The following WWC2 variants were observed in gnomAD, a reference collection of about 807,000 sequenced individuals.
WWC2 encodes protein WWC2.
A neutral mutation model predicts 138.5 loss-of-function variants in WWC2; 101 were observed. The observed-to-expected ratio is 0.73, with a 90% CI of 0.62 to 0.86. The LOEUF (loss-of-function observed/expected upper bound fraction) is 0.86, where lower values mean the gene tolerates loss of function less well. Ranked by LOEUF, WWC2 falls within the 40% of genes least tolerant of loss-of-function variation. The pLI is 0.00. For synonymous variants in WWC2, 558 were observed against 538.4 expected (o/e 1.04, Z -0.50); for missense variants, 1,420 against 1,419.4 (o/e 1.00, Z -0.01).
intron 1 of WWC2, among the ~76,000 whole-genome samples, chr4:183,140,995 C>G (rs1456492150): frequency 6.6e-6 from 1 of 152,178 alleles, no homozygotes; most frequent in Non-Finnish European, 1.5e-5. Context: ...TAATTGTGCT[C>G]TGAATAAGTG....
intron 15 of WWC2, 30 bp from the exon 16 acceptor site, chr4:183,271,050 T>G (rs1737679710): frequency 6.9e-7 from 1 of 1,459,098 alleles, no homozygotes; most frequent in Non-Finnish European, 9.1e-7. Flanking sequence ...TTCCTTATTT[T>G]TTTTTCTTTG....
chr4:183,264,513 G>A (rs1327854308), intron 11 of WWC2, among the ~76,000 whole-genome samples: 1 of 152,190 alleles, frequency 6.6e-6, no homozygotes, highest in East Asian at 1.9e-4. Flanking sequence ...TGTTAGAATA[G>A]TAGCACAGGA....
At chr4:183,270,585 G>A (rs925671036) in intron 15 of WWC2, among the ~76,000 whole-genome samples, 8 of 151,982 alleles carry the variant, frequency 5.3e-5, no homozygotes, top group African/African-American at 1.9e-4. Flanking sequence ...CCAACATGGT[G>A]AAACCCTGTC....
chr4:183,191,288 C>G (rs1219698619), intron 1 of WWC2, among the ~76,000 whole-genome samples: 1 of 152,038 alleles, frequency 6.6e-6, no homozygotes, highest in Non-Finnish European at 1.5e-5. Context: ...TGCATTTGAA[C>G]TCAGATTGAG....
At chr4:183,145,186 C>T (rs1733416691) in intron 1 of WWC2, among the ~76,000 whole-genome samples, 1 of 152,178 alleles carries the variant, frequency 6.6e-6, no homozygotes, top group South Asian at 2.1e-4. Context: ...TTCTTTGCCT[C>T]TTGCCCTCAT....
chr4:183,132,695 C>T (rs1029013735), intron 1 of WWC2, among the ~76,000 whole-genome samples: 15 of 152,022 alleles, frequency 9.9e-5, no homozygotes, highest in African/African-American at 2.9e-4. Context: ...CCTCGTGATC[C>T]GCCCTCCTCA....
intron 1 of WWC2, among the ~76,000 whole-genome samples, chr4:183,152,834 A>C (rs1733682184): frequency 6.7e-6 from 1 of 149,936 alleles, no homozygotes. Context: ...AGTGAGCCAA[A>C]ATTGTGCCAC....
At chr4:183,156,087 C>T (rs997023352) in intron 1 of WWC2, among the ~76,000 whole-genome samples, 10 of 151,792 alleles carry the variant, frequency 6.6e-5, no homozygotes, top group South Asian at 2.1e-4. Context: ...AGTACAGTGG[C>T]GTGATCTCGG....
chr4:183,175,690 A>AT (rs921418336), intron 1 of WWC2, among the ~76,000 whole-genome samples: 1 of 152,096 alleles, frequency 6.6e-6, no homozygotes, highest in African/African-American at 2.4e-5. Context: ...TTTGTACTTG[A>AT]TTTTTTGCTT....
rs191910458 is a variant in WWC2 at position 183,253,564 on chromosome 4, G to A, written c.954-193G>A. Among the ~76,000 whole-genome samples the A allele has an allele frequency of 9.9e-4, 151 of 152,244 alleles. 4 individuals carry two copies. The highest frequency in any genetic ancestry group is 9.0e-3 in the Admixed American group (137 of 15,302). On this transcript the variant is annotated intron_variant, in intron 8 of 22. Transcript: ENST00000403733. ...GAAGTGGGTGACAGCTGAGTGCAGA[G>A]ACAGGCCCAGAGACTGGTGTGCAAG... is the stretch of plus-strand genomic sequence containing the variant.
chr4:183,253,145 G>T (rs1737029280), intron 8 of WWC2, among the ~76,000 whole-genome samples: 1 of 152,098 alleles, frequency 6.6e-6, no homozygotes, highest in Non-Finnish European at 1.5e-5. Context: ...CTCCCAAAGT[G>T]TCAGATTACA....
intron 4 of WWC2, among the ~76,000 whole-genome samples, chr4:183,238,799 A>G (rs1681488899): frequency 6.6e-6 from 1 of 152,152 alleles, no homozygotes; most frequent in Admixed American, 6.5e-5. Context: ...CACCTTTGGT[A>G]ATTACTAAGA....
In WWC2 at chr4:183,211,982, C is replaced by T. The variant is rs192721925; in HGVS notation, c.522+2957C>T. Among the ~76,000 whole-genome samples, 216 of 151,988 alleles carry T rather than the reference C, an allele frequency of 1.4e-3. 1 individual carries two copies. Among genetic ancestry groups the T allele is most frequent in the African/African-American group, 4.7e-3 (196 of 41,504 alleles). On this transcript the variant is annotated intron_variant, in intron 4 of 22. Transcript: ENST00000403733. ...GACTACAGGCACCTGCCACCACGCC[C>T]GGCTAATTTTTTGTATTTTTGGTAG...
rs371218391 is a variant in WWC2, at chr4:183,249,894, T to G, written c.880-26T>G. The stretch of plus-strand genomic sequence containing the variant: ...TCATTCATTAGCAGAGTTAATTGAC[T>G]TTTTTCCTTTTTCTTTTTCCACTAG... On this transcript the variant is annotated intron_variant, in intron 7 of 22. Coordinates refer to ENST00000403733, the MANE Select transcript of WWC2 (RefSeq NM_024949.6). The G allele has an allele frequency of 1.3e-5, 21 of 1,599,808 alleles. No homozygotes were observed. In the African/African-American group the frequency reaches 2.5e-4, roughly 19 times the overall value.
At chr4:183,249,839 C>G in intron 7 of WWC2, 81 bp from the exon 8 acceptor site, 5 of 1,148,250 alleles carry the variant, frequency 4.4e-6, no homozygotes, top group Non-Finnish European at 6.3e-6. Flanking sequence ...TTCAATTACA[C>G]ATACTTCCCA....
chr4:183,104,918 T>G (rs1452660314), intron 1 of WWC2, among the ~76,000 whole-genome samples: 1 of 152,196 alleles, frequency 6.6e-6, no homozygotes, highest in Non-Finnish European at 1.5e-5. Flanking sequence ...TTTATTTATT[T>G]ATTTTTTGAG....
chr4:183,121,940 C>T (rs573185082), intron 1 of WWC2, among the ~76,000 whole-genome samples: 1 of 152,222 alleles, frequency 6.6e-6, no homozygotes, highest in Admixed American at 6.5e-5. Context: ...CACCTGCCAC[C>T]ACGCCCAGCT....
In WWC2 at chr4:183,265,127, G is replaced by A. The variant is rs1482000653; in HGVS notation, c.2039+20G>A. The A allele has an allele frequency of 3.1e-6, 5 of 1,588,046 alleles. No homozygotes were observed. The African/African-American group carries it at 6.8e-5, about 21-fold the overall frequency. On this transcript the variant is annotated intron_variant, in intron 12 of 22. Coordinates refer to ENST00000403733, the MANE Select transcript of WWC2 (RefSeq NM_024949.6). ...GAAACAGTAAGGATTCAGCAGGGGC[G>A]CTTTTAGCTCCAGCGAATCTCCATC...
chr4:183,200,995 G>A (rs368679316), intron 2 of WWC2, among the ~76,000 whole-genome samples: 37 of 152,294 alleles, frequency 2.4e-4, no homozygotes, highest in African/African-American at 8.2e-4. Context: ...ATTTATGTTC[G>A]TTAGAGGATG....
Sources: gnomAD v4.1 joint callset for allele counts (sites outside exome capture counted in the v4.1 genomes callset) on GRCh38, gnomAD v4.1.1 for gene constraint, MANE v1.5 for transcripts, NCBI Gene and HGNC (gene_info 2026-07-23, HGNC 2026-07-21) for gene names.